The following SNRPC variants were observed in gnomAD, a reference collection of about 807,000 sequenced individuals.
The protein encoded by SNRPC is U1 small nuclear ribonucleoprotein C.
SNRPC carries 5 observed loss-of-function variants against 20.0 expected under a neutral mutation model. The ratio of observed to expected loss-of-function variants is 0.25; its 90% confidence interval spans 0.13 to 0.53. The LOEUF (loss-of-function observed/expected upper bound fraction) is 0.53. SNRPC is among the 20% of genes least tolerant of loss of function. The pLI, the probability that SNRPC is intolerant of heterozygous loss-of-function variation, is 0.96. For missense variants in SNRPC, 112 were observed against 224.1 expected, an observed-to-expected ratio of 0.50 and a Z score of 3.19; for synonymous variants, 61 against 58.7, an observed-to-expected ratio of 1.04 and a Z score of -0.18.
At chr6:34,769,264 CTG>C (rs1764656647) in intron 4 of SNRPC, among the ~76,000 whole-genome samples, 1 of 136,552 alleles carries the variant, frequency 7.3e-6, no homozygotes, top group African/African-American at 2.8e-5. Flanking sequence ...GAGTCTCACT[CTG>C]TTGCCCAGGC....
intron 2 of SNRPC, 28 bp downstream of exon 2, chr6:34,757,982 A>G: frequency 6.3e-7 from 1 of 1,593,598 alleles, no homozygotes; most frequent in South Asian, 1.1e-5. Context: ...TCATAGTTTC[A>G]AAAAGCCTTA....
At chr6:34,767,013 GCTT>G (rs1334759147) in intron 3 of SNRPC, among the ~76,000 whole-genome samples, 1 of 151,704 alleles carries the variant, frequency 6.6e-6, no homozygotes, top group African/African-American at 2.4e-5. Flanking sequence ...TTTCTCTTGT[GCTT>G]CATCTGAAAA....
At chr6:34,757,981 CA>C in intron 2 of SNRPC, 27 bp downstream of exon 2, 1 of 1,592,164 alleles carries the variant, frequency 6.3e-7, no homozygotes. Flanking sequence ...TTCATAGTTT[CA>C]AAAAGCCTTA....
chr6:34,765,870 G>A (rs1194950879), intron 3 of SNRPC, among the ~76,000 whole-genome samples: 1 of 151,774 alleles, frequency 6.6e-6, no homozygotes, highest in Non-Finnish European at 1.5e-5. Flanking sequence ...TCCTGAGTAG[G>A]TAGGGCTACA....
chr6:34,769,920 T>C (rs1764665088), intron 4 of SNRPC, among the ~76,000 whole-genome samples: 1 of 152,140 alleles, frequency 6.6e-6, no homozygotes. Context: ...TCCTTTTAGT[T>C]TGATTAAGAA....
intron 4 of SNRPC, among the ~76,000 whole-genome samples, chr6:34,769,621 A>G (rs553959447): frequency 2.0e-5 from 3 of 152,292 alleles, no homozygotes; most frequent in African/African-American, 7.2e-5. Context: ...CATTTTTTAC[A>G]AAGGGATCTT....
chr6:34,764,141 C>G (rs1049361713), intron 3 of SNRPC, among the ~76,000 whole-genome samples: 2 of 150,260 alleles, frequency 1.3e-5, no homozygotes, highest in Non-Finnish European at 2.9e-5. Context: ...GTCAGGAGTT[C>G]GAGACCAGCT....
intron 2 of SNRPC, among the ~76,000 whole-genome samples, chr6:34,760,808 A>C (rs1764525735): frequency 6.6e-6 from 1 of 152,038 alleles, no homozygotes; most frequent in Non-Finnish European, 1.5e-5. Context: ...CAGCACTAGG[A>C]GGCCAAGGTG....
intron 1 of SNRPC, 83 bp from the exon 2 acceptor site, chr6:34,757,829 T>G: frequency 6.2e-7 from 1 of 1,609,760 alleles, no homozygotes; most frequent in African/African-American, 1.3e-5. Flanking sequence ...GTTTGTTTTG[T>G]TTTTATCTTC....
intron 4 of SNRPC, among the ~76,000 whole-genome samples, chr6:34,768,624 C>T (rs562023884): frequency 5.3e-5 from 8 of 151,690 alleles, no homozygotes; most frequent in Non-Finnish European, 1.0e-4. Context: ...TGGTGGTGCA[C>T]GTCTGTAGTC....
At chr6:34,764,061 CG>C (rs1764580660) in intron 3 of SNRPC, among the ~76,000 whole-genome samples, 1 of 151,636 alleles carries the variant, frequency 6.6e-6, no homozygotes, top group Admixed American at 6.6e-5. Flanking sequence ...CAAAACTGTC[CG>C]GGCACAGTGG....
chr6:34,757,889 C>G, intron 1 of SNRPC, 23 bp from the exon 2 acceptor site: 2 of 1,596,508 alleles, frequency 1.3e-6, no homozygotes, highest in Middle Eastern at 1.7e-4. Flanking sequence ...TCGTCTTTTT[C>G]TCTTCCTTTC....
At position 34,768,957 on chromosome 6, in the gene SNRPC, CA is replaced by C. The variant is rs201083133; in HGVS notation, c.250+962del. Among the ~76,000 whole-genome samples, 1,109 of 152,124 alleles carry C rather than the reference CA, an allele frequency of 7.3e-3. 21 individuals carry two copies. The highest frequency in any genetic ancestry group is 0.025 in the African/African-American group (1,054 of 41,492). On this transcript the variant is annotated intron_variant, in intron 4 of 5. Coordinates refer to ENST00000244520, the MANE Select transcript of SNRPC (RefSeq NM_003093.3). ...TGAAATCACATTCAGGACCTAGACT[CA>C]ATCTTGCACACAATCACGGGTATAA...
chr6:34,770,144 C>G (rs1298581539), intron 4 of SNRPC, 147 bp from the exon 5 acceptor site: 1 of 675,656 alleles, frequency 1.5e-6, no homozygotes, highest in East Asian at 2.7e-5. Context: ...ATTGCTTGAA[C>G]CTGGGAGGCA....
intron 5 of SNRPC, 56 bp downstream of exon 5, chr6:34,770,451 T>C: frequency 9.1e-7 from 1 of 1,099,946 alleles, no homozygotes. Flanking sequence ...TTACTATGCA[T>C]AGCTGACACT....
chr6:34,757,690 G>T (rs1764472030), intron 1 of SNRPC, 139 bp downstream of exon 1: 2 of 1,383,280 alleles, frequency 1.4e-6, no homozygotes, highest in South Asian at 2.4e-5. Context: ...GCAGGGAGAT[G>T]GAGAGCGCTA....
intron 1 of SNRPC, 176 bp downstream of exon 1, chr6:34,757,727 A>G (rs551083384): frequency 6.7e-7 from 1 of 1,486,090 alleles, no homozygotes; most frequent in Non-Finnish European, 9.2e-7. Context: ...GTGCAGATGG[A>G]TCCCGCTTAA....
At chr6:34,767,396 G>C (rs532798790) in intron 3 of SNRPC, among the ~76,000 whole-genome samples, 1 of 152,320 alleles carries the variant, frequency 6.6e-6, no homozygotes, top group South Asian at 2.1e-4. Flanking sequence ...TGAGGTGAGT[G>C]GATTGCGTGG....
In SNRPC at chr6:34,757,549, C is replaced by G; in HGVS notation, c.6C>G (p.Pro2=). Residue 2 remains proline (P), a splice_region_variant and synonymous_variant, in exon 1 of 6, where the codon CCC becomes CCG. Transcript: ENST00000244520. M[P]KFYCDYCDTY... ...CCAACGGCCTGCAGAGCAACATGCC[C>G]AAGTGAGTGGGGCCCCGAAATCTGA... 1 of 1,613,534 alleles carries G rather than the reference C, an allele frequency of 6.2e-7. No individual in the cohort carries two copies. The highest frequency in any genetic ancestry group is 8.5e-7 in the Non-Finnish European group (1 of 1,179,496).
Sources: gnomAD v4.1 joint callset for allele counts (sites outside exome capture counted in the v4.1 genomes callset) on GRCh38, gnomAD v4.1.1 for gene constraint, MANE v1.5 for transcripts, NCBI Gene and HGNC (gene_info 2026-07-23, HGNC 2026-07-21) for gene names.